The following COL26A1 variants were observed in gnomAD, a reference collection of about 807,000 sequenced individuals.
COL26A1 encodes collagen type XXVI alpha 1 chain, also known as collagen alpha-1(XXVI) chain.
Under a neutral mutation model 59.3 loss-of-function variants are expected in COL26A1, and 41 were observed. The observed-to-expected ratio is 0.69, with a 90% confidence interval of 0.54 to 0.90. The LOEUF (loss-of-function observed/expected upper bound fraction) is 0.90, where lower values mean the gene tolerates loss of function less well. Ranked by LOEUF, COL26A1 falls within the 40% of genes least tolerant of loss-of-function variation. The pLI is 0.00. For synonymous variants in COL26A1, 266 were observed against 256.0 expected (o/e 1.04, Z -0.37); for missense variants, 612 against 602.3 (o/e 1.02, Z -0.17).
intron 3 of COL26A1, among the ~76,000 whole-genome samples, chr7:101,525,902 C>T (rs1795237256): frequency 6.6e-6 from 1 of 152,212 alleles, no homozygotes; most frequent in African/African-American, 2.4e-5. Context: ...CAATGCTACC[C>T]TGCTGGCTCA....
intron 3 of COL26A1, among the ~76,000 whole-genome samples, chr7:101,497,245 CACAA>C (rs1794609191): frequency 6.6e-6 from 1 of 152,242 alleles, no homozygotes; most frequent in East Asian, 1.9e-4. Context: ...TCTCAAAAAA[CACAA>C]ACAGAAATAG....
At chr7:101,473,635 CACACACACACACACACACAA>C (rs1305573508) in intron 3 of COL26A1, among the ~76,000 whole-genome samples, 23 of 147,252 alleles carry the variant, frequency 1.6e-4, no homozygotes, top group African/African-American at 5.7e-4. Context: ...CACACACACA[CACACACACACACACACACAA>C]ACACACACAA....
intron 4 of COL26A1, 34 bp from the exon 5 acceptor site, chr7:101,539,859 A>G (rs1795570482): frequency 1.3e-6 from 2 of 1,595,802 alleles, no homozygotes; most frequent in Non-Finnish European, 1.7e-6. Flanking sequence ...GTCAGGCCCA[A>G]CTGGGACCTG....
intron 2 of COL26A1, among the ~76,000 whole-genome samples, chr7:101,435,836 G>A (rs1447873760): frequency 1.3e-5 from 2 of 152,210 alleles, no homozygotes; most frequent in Non-Finnish European, 2.9e-5. Context: ...GCTGAGCAGA[G>A]GGATTTGCCG....
chr7:101,480,111 T>C (rs1276154331), intron 3 of COL26A1, among the ~76,000 whole-genome samples: 1 of 152,084 alleles, frequency 6.6e-6, no homozygotes, highest in African/African-American at 2.4e-5. Context: ...ACTTATTCCT[T>C]CTATCTAGCT....
intron 2 of COL26A1, among the ~76,000 whole-genome samples, chr7:101,441,240 T>A (rs1471026735): frequency 6.6e-6 from 1 of 152,188 alleles, no homozygotes; most frequent in Admixed American, 6.5e-5. Context: ...CTGGGAATAA[T>A]GGCCTCTGTT....
At chr7:101,393,220 G>C (rs1791775358) in intron 1 of COL26A1, among the ~76,000 whole-genome samples, 1 of 151,964 alleles carries the variant, frequency 6.6e-6, no homozygotes, top group Non-Finnish European at 1.5e-5. Flanking sequence ...GTTTTCTAGA[G>C]GGACAGAACT....
rs181524099 is a variant in COL26A1, at chr7:101,557,591, G to T, written c.*61G>T. 16 of 1,502,122 alleles carry T rather than the reference G, an allele frequency of 1.1e-5. No individual in the cohort carries two copies. Among genetic ancestry groups the T allele is most frequent in the Admixed American group, 2.0e-5 (1 of 49,662 alleles). 93.0% of individuals were successfully genotyped at this position (1,502,122 alleles called of 1,614,324 possible). On this transcript the variant is annotated 3_prime_UTR_variant, in exon 13 of 13. Coordinates refer to ENST00000313669, the MANE Select transcript of COL26A1 (RefSeq NM_001278563.3). Reference sequence around the variant, plus strand: ...AGACCCAGCCCCAGAGGCCTGAGCCGCCGCTGTTTCCTAAAGATGCCCCCA... The same window carrying T: ...AGACCCAGCCCCAGAGGCCTGAGCCTCCGCTGTTTCCTAAAGATGCCCCCA...
In COL26A1 at chr7:101,363,163, C is replaced by G; in HGVS notation, c.131C>G (p.Ser44Cys). 3 of 1,508,386 alleles carry G rather than the reference C, an allele frequency of 2.0e-6. No individual in the cohort carries two copies. The highest frequency in any genetic ancestry group is 2.6e-6 in the Non-Finnish European group (3 of 1,135,904). 93.4% of individuals were successfully genotyped at this position (1,508,386 alleles called of 1,614,324 possible). A position where few individuals can be genotyped will look rare whatever the true frequency, so the allele number is the denominator to read the frequency against. The change falls in exon 1 of 13, where the codon TCC (serine) becomes TGC (cysteine). Residue 44 changes from serine (S) to cysteine (C), a missense_variant. By Grantham distance (112) the Ser-to-Cys change is moderately radical. Transcript: ENST00000313669. ...QHGYPEPGAG[S>C]PGSGYASRRH... The stretch of plus-strand genomic sequence containing the variant: ...GGCTACCCCGAGCCCGGCGCCGGCT[C>G]CCCTGGCAGCGGCTACGCGAGCCGC...
At chr7:101,432,843 G>T (rs1378320199) in intron 2 of COL26A1, among the ~76,000 whole-genome samples, 1 of 151,974 alleles carries the variant, frequency 6.6e-6, no homozygotes, top group African/African-American at 2.4e-5. Context: ...GCTGGGATTA[G>T]AGGTATTTGC....
Position 101,415,536 on chromosome 7 carries a change from T to A in COL26A1, c.159-4441T>A, listed in dbSNP as rs572563540. Among the ~76,000 whole-genome samples the A allele has an allele frequency of 3.3e-5, 5 of 152,220 alleles. No individual in the cohort carries two copies. In the South Asian group the frequency reaches 1.0e-3, roughly 32 times the overall value. On this transcript the variant is annotated intron_variant, in intron 1 of 12. Transcript: ENST00000313669. ...CACTCTGCCTAAGTCATACAGCAGG[T>A]TTGTGGCAGAACCTGGTTTTAAACT...
intron 3 of COL26A1, among the ~76,000 whole-genome samples, chr7:101,496,536 C>T (rs1258016683): frequency 1.3e-5 from 2 of 152,094 alleles, no homozygotes; most frequent in African/African-American, 2.4e-5. Context: ...CTGTGTTCTA[C>T]GCTCATCCTC....
intron 3 of COL26A1, among the ~76,000 whole-genome samples, chr7:101,469,588 C>T (rs1388465055): frequency 6.6e-6 from 1 of 151,722 alleles, no homozygotes; most frequent in Non-Finnish European, 1.5e-5. Flanking sequence ...TTCCTGGATT[C>T]AAGCAATTCT....
chr7:101,535,360 A>G (rs1286750307), intron 4 of COL26A1, among the ~76,000 whole-genome samples: 1 of 152,184 alleles, frequency 6.6e-6, no homozygotes, highest in Non-Finnish European at 1.5e-5. Flanking sequence ...ACATTTTCCT[A>G]GTACCGGAAG....
intron 2 of COL26A1, among the ~76,000 whole-genome samples, chr7:101,437,636 A>G (rs1008998259): frequency 2.0e-5 from 3 of 151,952 alleles, no homozygotes; most frequent in African/African-American, 7.3e-5. Context: ...GTGCAGTGGT[A>G]CATTCACAGC....
chr7:101,365,665 C>A (rs1038849018), intron 1 of COL26A1, among the ~76,000 whole-genome samples: 6 of 152,082 alleles, frequency 3.9e-5, no homozygotes, highest in African/African-American at 1.4e-4. Context: ...CTCAAATGAT[C>A]TGCCTGCCTC....
intron 4 of COL26A1, among the ~76,000 whole-genome samples, chr7:101,539,278 C>CTGTGTGTGTGTGTGTATGTGTG (rs1795551804): frequency 7.0e-6 from 1 of 142,250 alleles, no homozygotes; most frequent in Non-Finnish European, 1.5e-5. Flanking sequence ...CCTTTTCTGT[C>CTGTGTGTGTGTGTGTATGTGTG]TGTGTGTGTG....
At chr7:101,448,992 A>C (rs1182452068) in intron 3 of COL26A1, among the ~76,000 whole-genome samples, 1 of 152,252 alleles carries the variant, frequency 6.6e-6, no homozygotes, top group Admixed American at 6.5e-5. Context: ...CAATTGCTTC[A>C]GGGGGCCTCT....
intron 1 of COL26A1, among the ~76,000 whole-genome samples, chr7:101,401,698 A>AGGAGGG (rs61058126): frequency 7.6e-6 from 1 of 131,206 alleles, no homozygotes; most frequent in Non-Finnish European, 1.6e-5. Context: ...GAGGAGGAGG[A>AGGAGGG]AGAGTAGGAG....
Sources: gnomAD v4.1 joint callset for allele counts (sites outside exome capture counted in the v4.1 genomes callset) on GRCh38, gnomAD v4.1.1 for gene constraint, MANE v1.5 for transcripts, NCBI Gene and HGNC (gene_info 2026-07-23, HGNC 2026-07-21) for gene names.